Variants in ANKRD36C observed in about 807,000 individuals in gnomAD.
ANKRD36C encodes the protein ankyrin repeat domain-containing protein 36C.
In ANKRD36C, 61 loss-of-function variants were observed where a neutral mutation model predicts 276.4. That is an observed-to-expected ratio of 0.22 (90% CI 0.18 to 0.27). ANKRD36C has a LOEUF of 0.27. Ranked by LOEUF, ANKRD36C falls within the 10% of genes least tolerant of loss-of-function variation. The pLI, the probability that ANKRD36C is intolerant of heterozygous loss-of-function variation, is 1.00. For synonymous variants in ANKRD36C, 483 were observed against 680.1 expected (o/e 0.71, Z 4.51); for missense variants, 1,447 against 2,032.3 (o/e 0.71, Z 5.54).
intron 8 of ANKRD36C, among the ~76,000 whole-genome samples, chr2:95,961,352 C>T (rs1357847894): frequency 6.6e-6 from 1 of 151,946 alleles, no homozygotes; most frequent in African/African-American, 2.4e-5. Context: ...ATATATAAAC[C>T]TCATCAAAAA....
intron 12 of ANKRD36C, among the ~76,000 whole-genome samples, chr2:95,958,258 T>C (rs1678376845): frequency 6.6e-6 from 1 of 152,004 alleles, no homozygotes; most frequent in African/African-American, 2.4e-5. Flanking sequence ...CAATTTCTAG[T>C]ACTTCATCTT....
chr2:95,944,074 T>C (rs949286489), intron 19 of ANKRD36C, among the ~76,000 whole-genome samples: 2 of 152,172 alleles, frequency 1.3e-5, no homozygotes, highest in African/African-American at 4.8e-5. Context: ...CACCCGTAAG[T>C]CACTCAGAAG....
intron 56 of ANKRD36C, among the ~76,000 whole-genome samples, chr2:95,881,300 A>T (rs1676072267): frequency 1.3e-5 from 2 of 152,206 alleles, no homozygotes; most frequent in Non-Finnish European, 2.9e-5. Context: ...TATAATATAT[A>T]AACCCCATCA....
At chr2:95,918,518 C>G (rs1025145517) in intron 34 of ANKRD36C, among the ~76,000 whole-genome samples, 2 of 151,790 alleles carry the variant, frequency 1.3e-5, no homozygotes, top group African/African-American at 4.8e-5. Flanking sequence ...CATGACACTT[C>G]AGTTGAACAT....
At chr2:95,927,325 T>C (rs369797618) in intron 27 of ANKRD36C, 39 bp from the exon 28 acceptor site, 1 of 1,608,186 alleles carries the variant, frequency 6.2e-7, no homozygotes, top group Non-Finnish European at 8.5e-7. Context: ...ATACGTAAAG[T>C]AGGTTTCATA....
intron 42 of ANKRD36C, among the ~76,000 whole-genome samples, chr2:95,906,326 C>A (rs1437908968): frequency 1.1e-5 from 1 of 91,824 alleles, no homozygotes; most frequent in Non-Finnish European, 2.2e-5. Flanking sequence ...TCTCCTTACA[C>A]CCTTAATGAA....
chr2:95,954,738 C>A (rs1678287583), intron 13 of ANKRD36C, among the ~76,000 whole-genome samples: 2 of 152,154 alleles, frequency 1.3e-5, no homozygotes, highest in South Asian at 2.1e-4. Flanking sequence ...TCCACAAAAA[C>A]CAGCAAGCTT....
chr2:95,884,384 G>A lies in ANKRD36C; in HGVS notation c.3164-16C>T. On this transcript the variant is annotated splice_polypyrimidine_tract_variant and intron_variant, in intron 52 of 66. Transcript: ENST00000456556. ...TGAGAAGACACTGAAAAGCAAAAGGGATACATAATCACCCACATGCACGTA... is the reference window on the plus strand; with the variant it reads ...TGAGAAGACACTGAAAAGCAAAAGGAATACATAATCACCCACATGCACGTA... 1 of 1,610,686 alleles carries A rather than the reference G, an allele frequency of 6.2e-7. No homozygotes were observed. Among genetic ancestry groups the A allele is most frequent in the Non-Finnish European group, 8.5e-7 (1 of 1,179,024 alleles).
chr2:95,934,194 G>T (rs953163263), intron 24 of ANKRD36C, among the ~76,000 whole-genome samples: 16 of 152,104 alleles, frequency 1.1e-4, no homozygotes, highest in Non-Finnish European at 2.4e-4. Context: ...AGACAGTGTG[G>T]TGATTCCTCA....
At chr2:95,933,096 A>G (rs1286770209) in intron 24 of ANKRD36C, among the ~76,000 whole-genome samples, 1 of 152,312 alleles carries the variant, frequency 6.6e-6, no homozygotes, top group Admixed American at 6.5e-5. Flanking sequence ...ATGGTTGTAG[A>G]TGTATGGTGT....
chr2:95,950,854 C>T lies in ANKRD36C; in HGVS notation c.1265-75G>A, dbSNP rs547993471. 14 of 1,476,502 alleles carry T rather than the reference C, an allele frequency of 9.5e-6. No individual in the cohort carries two copies. The Admixed American group carries it at 1.5e-4, about 15-fold the overall frequency. 91.5% of individuals were successfully genotyped at this position (1,476,502 alleles called of 1,614,324 possible). ...AGAATACTAAAAACATAAAAAAGCACAGTGGCTTGTTCCTATAATCCCAGC... is the reference window on the plus strand; with the variant it reads ...AGAATACTAAAAACATAAAAAAGCATAGTGGCTTGTTCCTATAATCCCAGC... On this transcript the variant is annotated intron_variant, in intron 15 of 66. Transcript: ENST00000456556.
At position 95,927,367 on chromosome 2, in the gene ANKRD36C, G is replaced by A; in HGVS notation, c.1866+14C>T. 7 of 1,606,394 alleles carry A rather than the reference G, an allele frequency of 4.4e-6. No individual in the cohort carries two copies. Among genetic ancestry groups the A allele is most frequent in the Non-Finnish European group, 5.9e-6 (7 of 1,177,808 alleles). ...ACAGTTAATAGTTCAACATATAAAT[G>A]AGTCTTTAATTACCTTCTCAGCTGG... On this transcript the variant is annotated intron_variant, in intron 27 of 66. Coordinates refer to ENST00000456556, the Ensembl canonical transcript of ANKRD36C.
chr2:95,873,681 C>A (rs1281085414), intron 59 of ANKRD36C, among the ~76,000 whole-genome samples: 3 of 152,134 alleles, frequency 2.0e-5, no homozygotes, highest in Admixed American at 2.0e-4. Context: ...TGGCCAGGGC[C>A]ATTAGGCAGG....
chr2:95,909,099 A>C (rs1676837974), intron 42 of ANKRD36C, among the ~76,000 whole-genome samples: 3 of 149,652 alleles, frequency 2.0e-5, no homozygotes, highest in African/African-American at 7.4e-5. Flanking sequence ...GATTTACACC[A>C]TTATACTACA....
intron 6 of ANKRD36C, among the ~76,000 whole-genome samples, chr2:95,974,622 G>A (rs190518716): frequency 9.2e-5 from 14 of 152,010 alleles, no homozygotes; most frequent in African/African-American, 2.7e-4. Context: ...TATAAAAGAC[G>A]TCAGCTTCTC....
chr2:95,887,978 T>A (rs760057787), exon 50 of ANKRD36C: 16 of 1,600,090 alleles, frequency 1.0e-5, no homozygotes, highest in Non-Finnish European at 1.3e-5. Flanking sequence ...CGAAACAGAA[T>A]CTTTCTTGTC....
chr2:95,857,837 A>C (rs1312349404), intron 61 of ANKRD36C, among the ~76,000 whole-genome samples: 5 of 145,266 alleles, frequency 3.4e-5, no homozygotes, highest in Non-Finnish European at 3.1e-5. Flanking sequence ...GGGGATATTC[A>C]GCTGAGACCC....
At chr2:95,874,294 G>A (rs1436244045) in intron 59 of ANKRD36C, among the ~76,000 whole-genome samples, 3 of 152,172 alleles carry the variant, frequency 2.0e-5, no homozygotes, top group African/African-American at 4.8e-5. Context: ...CAAGGCTACA[G>A]TAACCAAAAC....
At chr2:95,987,237 G>T in intron 1 of ANKRD36C, 31 bp from the exon 2 acceptor site, 1 of 1,508,846 alleles carries the variant, frequency 6.6e-7, no homozygotes, top group African/African-American at 1.4e-5. Flanking sequence ...TTTAAAACAT[G>T]TAACTGTAAG....
Sources: allele counts gnomAD v4.1 joint callset (sites outside exome capture counted in the v4.1 genomes callset), GRCh38; gene constraint gnomAD v4.1.1; transcripts MANE v1.5; gene names NCBI Gene and HGNC (gene_info 2026-07-23, HGNC 2026-07-21).